Variants in PHF14 observed in about 807,000 individuals in gnomAD.
PHF14 encodes PHD finger protein 14.
PHF14 carries 55 observed loss-of-function variants against 117.9 expected under a neutral mutation model. That is an observed-to-expected ratio of 0.47 (90% confidence interval 0.38 to 0.58). The LOEUF is 0.58. Among genes scored for constraint, PHF14 ranks in the 20% least tolerant of loss-of-function variants. The pLI is 0.00. For synonymous variants in PHF14, 409 were observed against 368.6 expected (o/e 1.11, Z -1.26); for missense variants, 978 against 1,122.2 (o/e 0.87, Z 1.84).
chr7:11,062,708 A>G (rs962675606), intron 16 of PHF14: 89 of 985,064 alleles, frequency 9.0e-5, no homozygotes, highest in African/African-American at 1.9e-4. Flanking sequence ...GATGCTGCAC[A>G]TTGGCTTTTC....
intron 4 of PHF14, among the ~76,000 whole-genome samples, chr7:11,008,779 T>TAATC (rs1445625804): frequency 3.9e-5 from 6 of 152,136 alleles, no homozygotes; most frequent in Non-Finnish European, 8.8e-5. Context: ...CTCACGCCTG[T>TAATC]AATCCCAGCA....
At chr7:11,149,500 C>T (rs964554164) in intron 17 of PHF14, among the ~76,000 whole-genome samples, 2 of 152,078 alleles carry the variant, frequency 1.3e-5, no homozygotes, top group Non-Finnish European at 2.9e-5. Context: ...TCTTATGGCC[C>T]TTTAAAGAAA....
intron 17 of PHF14, among the ~76,000 whole-genome samples, chr7:11,164,969 G>A (rs999188425): frequency 2.6e-5 from 4 of 151,938 alleles, no homozygotes; most frequent in African/African-American, 9.7e-5. Context: ...CAATTGCCCA[G>A]GCTGCAGTGC....
intron 4 of PHF14, among the ~76,000 whole-genome samples, chr7:11,007,203 A>G (rs796455374): frequency 1.2e-4 from 18 of 152,288 alleles, no homozygotes; most frequent in African/African-American, 3.8e-4. Context: ...CACAAAAAAA[A>G]AAGAAAGAAA....
At chr7:11,156,259 G>A (rs1583509302) in intron 17 of PHF14, among the ~76,000 whole-genome samples, 1 of 152,106 alleles carries the variant, frequency 6.6e-6, no homozygotes. Context: ...CACTACTGAG[G>A]AATTTTTTTG....
At chr7:11,038,430 CAA>C (rs958555910) in intron 10 of PHF14, among the ~76,000 whole-genome samples, 18 of 50,426 alleles carry the variant, frequency 3.6e-4, no homozygotes, top group East Asian at 5.0e-4. Flanking sequence ...GACTCCATCT[CAA>C]AAAAAAAAAA....
chr7:11,154,052 C>T (rs1317019177), intron 17 of PHF14, among the ~76,000 whole-genome samples: 1 of 151,874 alleles, frequency 6.6e-6, no homozygotes, highest in African/African-American at 2.4e-5. Flanking sequence ...TTCATGTCGC[C>T]GGTAGGGTCT....
intron 4 of PHF14, among the ~76,000 whole-genome samples, chr7:11,009,015 G>A (rs1444591107): frequency 3.6e-5 from 5 of 137,010 alleles, no homozygotes; most frequent in South Asian, 2.4e-4. Flanking sequence ...CAGCCTGGGC[G>A]ACAGAGTGAG....
intron 14 of PHF14, chr7:11,061,168 C>T (rs17346506): frequency 0.36 from 54,560 of 151,840 alleles, 10,426 homozygotes; most frequent in East Asian, 0.75. Context: ...TTCTTTTAAA[C>T]GTTTGTATGC....
At chr7:11,070,176 C>T (rs902897536) in intron 16 of PHF14, among the ~76,000 whole-genome samples, 4 of 152,020 alleles carry the variant, frequency 2.6e-5, no homozygotes, top group Non-Finnish European at 5.9e-5. Flanking sequence ...CTCTTAGGCT[C>T]AGGTGATCTT....
chr7:11,035,566 T>C, intron 7 of PHF14, 74 bp from the exon 8 acceptor site: 1 of 850,718 alleles, frequency 1.2e-6, no homozygotes, highest in East Asian at 2.9e-5. Context: ...GGAAGTAATA[T>C]TCTTTTGTGT....
intron 3 of PHF14, among the ~76,000 whole-genome samples, chr7:10,986,045 T>A (rs1366784999): frequency 6.6e-6 from 1 of 152,118 alleles, no homozygotes; most frequent in Admixed American, 6.5e-5. Flanking sequence ...CATGGCTAAC[T>A]GCAGCTTTGA....
At chr7:11,076,011 C>T (rs1481566727) in intron 16 of PHF14, among the ~76,000 whole-genome samples, 5 of 152,116 alleles carry the variant, frequency 3.3e-5, no homozygotes, top group East Asian at 1.9e-4. Flanking sequence ...TGGTGGCGGG[C>T]GCCTGTAGTT....
intron 13 of PHF14, among the ~76,000 whole-genome samples, chr7:11,044,473 C>A (rs1784603481): frequency 6.6e-6 from 1 of 152,064 alleles, no homozygotes; most frequent in Admixed American, 6.6e-5. Context: ...ACAGTGAAGC[C>A]TTTAATTTCT....
At chr7:11,014,366 T>C (rs569250269) in intron 5 of PHF14, among the ~76,000 whole-genome samples, 1 of 152,186 alleles carries the variant, frequency 6.6e-6, no homozygotes, top group South Asian at 2.1e-4. Context: ...CACTATAAGG[T>C]ATAAAAAAAC....
chr7:11,032,469 A>G (rs937202522), intron 7 of PHF14, among the ~76,000 whole-genome samples: 4 of 151,370 alleles, frequency 2.6e-5, no homozygotes, highest in Non-Finnish European at 4.4e-5. Flanking sequence ...TTGATCTGCT[A>G]TGTCAGTTTT....
At chr7:11,071,534 C>T (rs1419108092) in intron 16 of PHF14, among the ~76,000 whole-genome samples, 2 of 152,108 alleles carry the variant, frequency 1.3e-5, no homozygotes, top group African/African-American at 2.4e-5. Flanking sequence ...ATCTAATTTT[C>T]GTCCCATTAA....
In PHF14 at chr7:11,105,210, T is replaced by C. The variant is rs1390039105; in HGVS notation, c.2655-6140T>C. On this transcript the variant is annotated intron_variant, in intron 16 of 17. Transcript: ENST00000634607. The stretch of plus-strand genomic sequence containing the variant: ...CCTTAGCTTTTATCCATCTTAACTT[T>C]AGAAATTATATTTATGCATTGTTTA... The C allele has an allele frequency of 4.2e-6, 4 of 961,130 alleles. No individual in the cohort carries two copies. In the African/African-American group the frequency reaches 7.1e-5, roughly 17 times the overall value. The allele number at this position is 961,130 out of a possible 1,614,324, so 59.5% of individuals were successfully genotyped here. A position where few individuals can be genotyped will look rare whatever the true frequency, so the allele number is the denominator to read the frequency against.
intron 17 of PHF14, among the ~76,000 whole-genome samples, chr7:11,146,797 ATTGACTCAC>A (rs1473265292): frequency 6.6e-6 from 1 of 152,172 alleles, no homozygotes; most frequent in African/African-American, 2.4e-5. Flanking sequence ...AATAAATGCA[ATTGACTCAC>A]TTTTGTGCAA....
Sources: allele counts gnomAD v4.1 joint callset (sites outside exome capture counted in the v4.1 genomes callset), GRCh38; gene constraint gnomAD v4.1.1; transcripts MANE v1.5; gene names NCBI Gene and HGNC (gene_info 2026-07-23, HGNC 2026-07-21).